Variants in ACCSL observed in about 807,000 individuals in gnomAD.
ACCSL encodes the protein probable inactive 1-aminocyclopropane-1-carboxylate synthase-like protein 2.
ACCSL carries 55 observed loss-of-function variants against 61.7 expected under a neutral mutation model. The ratio of observed to expected loss-of-function variants is 0.89; its 90% confidence interval spans 0.72 to 1.12. The LOEUF is 1.12. Ranked by LOEUF, ACCSL falls within the 50% of genes most tolerant of loss-of-function variation. The pLI is 0.00. For missense variants in ACCSL, 632 were observed against 698.0 expected, an observed-to-expected ratio of 0.91 and a Z score of 1.07; for synonymous variants, 258 against 264.3, an observed-to-expected ratio of 0.98 and a Z score of 0.23.
At position 44,052,739 on chromosome 11, in the gene ACCSL, C is replaced by G; in HGVS notation, c.850C>G (p.Pro284Ala). The part of the protein sequence containing the change: ...SRLYAKVELI[P>A]VHLESEVTVT... Reference sequence around the variant, plus strand: ...CCTGTATGCAAAGGTTGAGTTGATTCCTGTCCACCTGGAGAGTGAGGTCTG... The same window carrying G: ...CCTGTATGCAAAGGTTGAGTTGATTGCTGTCCACCTGGAGAGTGAGGTCTG... Residue 284 changes from proline (P) to alanine (A), a missense_variant, in exon 6 of 14, where the codon CCT becomes GCT. Transcript: ENST00000378832. 1 of 1,614,084 alleles carries G rather than the reference C, an allele frequency of 6.2e-7. No individual in the cohort carries two copies. The highest frequency in any genetic ancestry group is 8.5e-7 in the Non-Finnish European group (1 of 1,180,004).
At chr11:43,951,581 C>T in the ACCSL span, among the ~76,000 whole-genome samples, 1 of 152,134 alleles carries the variant, frequency 6.6e-6, no homozygotes, top group Non-Finnish European at 1.5e-5. Flanking sequence ...GCCAAGAAAA[C>T]CAGGAATAGC....
chr11:44,027,397 C>G, the ACCSL span, among the ~76,000 whole-genome samples: 1 of 152,140 alleles, frequency 6.6e-6, no homozygotes, highest in Admixed American at 6.5e-5. Flanking sequence ...TCCAGTTCTG[C>G]TTTTGCTTTT....
chr11:44,023,650 T>A, the ACCSL span, among the ~76,000 whole-genome samples: 1 of 151,660 alleles, frequency 6.6e-6, no homozygotes, highest in African/African-American at 2.4e-5. Flanking sequence ...TATTCTCTAT[T>A]TCTGCTGCAG....
the ACCSL span, among the ~76,000 whole-genome samples, chr11:43,969,701 C>T: frequency 6.6e-6 from 1 of 152,282 alleles, no homozygotes; most frequent in Non-Finnish European, 1.5e-5. Flanking sequence ...CTCCTGCCCA[C>T]ACCCCAGCTT....
chr11:44,005,203 C>A, the ACCSL span, among the ~76,000 whole-genome samples: 1 of 152,158 alleles, frequency 6.6e-6, no homozygotes, highest in Non-Finnish European at 1.5e-5. Flanking sequence ...GAGTCCCACT[C>A]TTTCCCTGCC....
At chr11:43,944,171 C>G in the ACCSL span, 3 of 314,112 alleles carry the variant, frequency 9.6e-6, no homozygotes, top group South Asian at 5.7e-5. Context: ...GCAGAGCTGA[C>G]GATGGAGAGC....
chr11:43,938,900 A>G, the ACCSL span, among the ~76,000 whole-genome samples: 5 of 152,190 alleles, frequency 3.3e-5, no homozygotes, highest in African/African-American at 1.2e-4. Flanking sequence ...ACTTTGCCAC[A>G]GGGGCGATTT....
chr11:43,941,705 C>T, the ACCSL span, among the ~76,000 whole-genome samples: 10 of 152,220 alleles, frequency 6.6e-5, no homozygotes, highest in Admixed American at 2.0e-4. Flanking sequence ...CCATCAGATA[C>T]TAGTGGACCA....
At chr11:44,019,175 C>A in the ACCSL span, among the ~76,000 whole-genome samples, 1 of 152,190 alleles carries the variant, frequency 6.6e-6, no homozygotes, top group African/African-American at 2.4e-5. Flanking sequence ...GTTTAATCAT[C>A]CATCAGTCGA....
chr11:44,043,933 T>C (rs893958002), upstream of ACCSL, among the ~76,000 whole-genome samples: 2 of 152,240 alleles, frequency 1.3e-5, no homozygotes, highest in African/African-American at 4.8e-5. Context: ...GCAATTATTT[T>C]ATAATCTACT....
chr11:43,942,798 C>A, the ACCSL span: 6 of 776,668 alleles, frequency 7.7e-6, no homozygotes, highest in Non-Finnish European at 9.5e-6. Flanking sequence ...TTGGATCCCC[C>A]GCCCGGCGAG....
chr11:43,969,960 T>TGGG, the ACCSL span, among the ~76,000 whole-genome samples: 2 of 151,646 alleles, frequency 1.3e-5, no homozygotes, highest in African/African-American at 4.8e-5. Context: ...CAAATAGGTA[T>TGGG]AGGGGGAGGG....
At chr11:44,044,665 G>A (rs892323625), upstream of ACCSL, among the ~76,000 whole-genome samples, 8 of 152,122 alleles carry the variant, frequency 5.3e-5, no homozygotes, top group Admixed American at 1.3e-4. Context: ...AGTTATAAGG[G>A]CTTGTAGGGC....
chr11:43,941,759 G>T, the ACCSL span, among the ~76,000 whole-genome samples: 654 of 152,320 alleles, frequency 4.3e-3, 11 homozygotes, highest in African/African-American at 0.015. Flanking sequence ...ATGTAAAAAT[G>T]AGAGAATACC....
At chr11:43,997,730 C>T in the ACCSL span, among the ~76,000 whole-genome samples, 1 of 152,190 alleles carries the variant, frequency 6.6e-6, no homozygotes, top group Non-Finnish European at 1.5e-5. Flanking sequence ...GAAACCCCAA[C>T]CAATAGTGAC....
chr11:43,949,745 G>A, the ACCSL span, among the ~76,000 whole-genome samples: 2 of 152,164 alleles, frequency 1.3e-5, no homozygotes. Context: ...AACCCCGAAG[G>A]TGGAGGTTGC....
the ACCSL span, among the ~76,000 whole-genome samples, chr11:44,028,453 T>C: frequency 2.0e-5 from 3 of 152,228 alleles, no homozygotes; most frequent in African/African-American, 7.2e-5. Flanking sequence ...ATGTGGCTAA[T>C]ATGATTAAAG....
chr11:44,045,942 T>C (rs1952594662), upstream of ACCSL, among the ~76,000 whole-genome samples: 1 of 152,162 alleles, frequency 6.6e-6, no homozygotes, highest in African/African-American at 2.4e-5. Context: ...TCTTGTTCAT[T>C]GGAGGGAGGT....
chr11:43,943,695 C>T, the ACCSL span: 3 of 1,304,550 alleles, frequency 2.3e-6, no homozygotes, highest in Non-Finnish European at 3.0e-6. The surrounding 1 kb of genome is among the most constrained non-coding windows in gnomAD (Gnocchi z 4.8). Flanking sequence ...TCTCGCTGAA[C>T]ACTTTTATAA....
Sources: allele counts gnomAD v4.1 joint callset (sites outside exome capture counted in the v4.1 genomes callset), GRCh38; gene constraint gnomAD v4.1.1; non-coding constraint Gnocchi (gnomAD v3.1); transcripts MANE v1.5; gene names NCBI Gene and HGNC (gene_info 2026-07-23, HGNC 2026-07-21).